The following FMO4 variants were observed in gnomAD, a reference collection of about 807,000 sequenced individuals.
FMO4 encodes the protein flavin containing dimethylaniline monoxygenase 4, also known as dimethylaniline monooxygenase [N-oxide-forming] 4.
Under a neutral mutation model 43.3 loss-of-function variants are expected in FMO4, and 38 were observed. The ratio of observed to expected loss-of-function variants is 0.88; its 90% CI spans 0.68 to 1.15. FMO4 has a LOEUF of 1.15. FMO4 is among the 50% of genes most tolerant of loss of function. FMO4 has a pLI of 0.00. For synonymous variants in FMO4, 224 were observed against 232.2 expected, an observed-to-expected ratio of 0.96 and a Z score of 0.32; for missense variants, 631 against 663.3, an observed-to-expected ratio of 0.95 and a Z score of 0.54.
intron 8 of FMO4, among the ~76,000 whole-genome samples, chr1:171,336,469 G>T (rs1249443199): frequency 6.6e-6 from 1 of 152,156 alleles, no homozygotes; most frequent in Non-Finnish European, 1.5e-5. Context: ...TGTCTAGATG[G>T]GAGATTGGGA....
chr1:171,321,307 C>T (rs536084885), intron 3 of FMO4, among the ~76,000 whole-genome samples: 119 of 152,182 alleles, frequency 7.8e-4, no homozygotes, highest in African/African-American at 2.6e-3. Context: ...TGTAATTTCT[C>T]TCAGTCATAT....
rs1015421643 is a variant in FMO4 at position 171,327,668 on chromosome 1, A to C, written c.484+3368A>C. Among the ~76,000 whole-genome samples the C allele has an allele frequency of 2.4e-4, 37 of 152,280 alleles. 1 individual carries two copies. The highest frequency in any genetic ancestry group is 2.4e-3 in the Admixed American group (36 of 15,288). ...GGTGGCTCATGCCTATAATCCCAGC[A>C]CTTTGGGAGGCCGAGGCAGGCAGAT... is the stretch of plus-strand genomic sequence containing the variant. On this transcript the variant is annotated intron_variant, in intron 5 of 9. Transcript: ENST00000367749.
In FMO4 at chr1:171,334,437, A is replaced by C; in HGVS notation, c.854A>C (p.Asp285Ala). ...KGKKAKFIVN[D>A]ELPNCILCGA... ...AAAAAAGCAAAATTCATTGTGAATG[A>C]TGAGCTGCCAAACTGTATCCTCTGT... Residue 285 changes from aspartate (D) to alanine (A), a missense_variant, in exon 8 of 10, where the codon GAT (aspartate) becomes GCT (alanine). Asp to Ala is a moderately radical substitution (Grantham distance 126, BLOSUM62 -2). Coordinates refer to ENST00000367749, the MANE Select transcript of FMO4 (RefSeq NM_002022.3). 1 of 1,585,600 alleles carries C rather than the reference A, an allele frequency of 6.3e-7. No individual in the cohort carries two copies. The highest frequency in any genetic ancestry group is 8.6e-7 in the Non-Finnish European group (1 of 1,169,324).
At chr1:171,328,464 A>G (rs1415166625) in intron 5 of FMO4, among the ~76,000 whole-genome samples, 1 of 152,150 alleles carries the variant, frequency 6.6e-6, no homozygotes, top group Non-Finnish European at 1.5e-5. Flanking sequence ...CAGCCTGGAC[A>G]ACATGCGAAA....
Position 171,319,912 on chromosome 1 carries a change from C to T in FMO4, c.87C>T (p.Thr29=), listed in dbSNP as rs1432043261. ...GTGTGGATGAGGACCTGGAGCCCAC[C>T]TGCTTTGAGAGAAGTGATGACATTG... ...KCCVDEDLEP[T]CFERSDDIGG... is the part of the protein sequence containing the mutation. Residue 29 remains threonine (T), a synonymous_variant, in exon 3 of 10, where the codon ACC becomes ACT. Transcript: ENST00000367749. 6.2e-7 allele frequency: 1 copy of T among 1,613,894 alleles called. No homozygotes were observed. The highest frequency in any genetic ancestry group is 2.2e-5 in the East Asian group (1 of 44,872).
At chr1:171,334,297 T>C in intron 7 of FMO4, 114 bp from the exon 8 acceptor site, 1 of 650,716 alleles carries the variant, frequency 1.5e-6, no homozygotes. Flanking sequence ...TAGACATTGG[T>C]TAATTCTCTT....
intron 8 of FMO4, among the ~76,000 whole-genome samples, chr1:171,335,933 T>C (rs141825410): frequency 6.6e-6 from 1 of 152,300 alleles, no homozygotes. Context: ...AAGTATTTTA[T>C]GGTGAGCTCC....
At chr1:171,325,546 A>G (rs983186295) in intron 5 of FMO4, among the ~76,000 whole-genome samples, 2 of 152,168 alleles carry the variant, frequency 1.3e-5, no homozygotes, top group African/African-American at 4.8e-5. Context: ...ATCCTACTCA[A>G]AAAGGAATGA....
In FMO4 at chr1:171,334,588, A is replaced by C; in HGVS notation, c.1005A>C (p.Pro335=). Residue 335 remains proline (P), a synonymous_variant, in exon 8 of 10, where the codon CCA becomes CCC. Coordinates refer to ENST00000367749, the MANE Select transcript of FMO4 (RefSeq NM_002022.3). The stretch of plus-strand genomic sequence containing the variant: ...CTACAGGATATACATTTTCTTTTCC[A>C]TTTTTTGAAGAACCTCTTAAAAGCC... The part of the protein sequence containing the change: ...IFTTGYTFSF[P]FFEEPLKSLC... The C allele has an allele frequency of 6.2e-7, 1 of 1,613,790 alleles. No individual in the cohort carries two copies. The highest frequency in any genetic ancestry group is 8.5e-7 in the Non-Finnish European group (1 of 1,179,816).
rs1198924524 is a variant in FMO4 at position 171,335,190 on chromosome 1, A to G, written c.1180+427A>G. 2.6e-5 allele frequency among the ~76,000 whole-genome samples: 4 copies of G among 152,326 alleles called. No individual in the cohort carries two copies. In the East Asian group the frequency reaches 7.7e-4, roughly 29 times the overall value. On this transcript the variant is annotated intron_variant, in intron 8 of 9. Coordinates refer to ENST00000367749, the MANE Select transcript of FMO4 (RefSeq NM_002022.3). Reference sequence around the variant, plus strand: ...CCATAAAAAATATTTTAGACACTGGAAACTACTTTCTGTCAATTATGCAAT... The same window carrying G: ...CCATAAAAAATATTTTAGACACTGGGAACTACTTTCTGTCAATTATGCAAT...
Position 171,332,830 on chromosome 1 carries a change from G to A in FMO4, c.749G>A (p.Arg250His), listed in dbSNP as rs770794489. ...CSFIAQVLPS[R>H]FLNWIQERKL... is the part of the protein sequence containing the mutation. ...TTTATTGCACAAGTTCTGCCTTCAC[G>A]TTTTCTAAACTGGATTCAAGAAAGG... Residue 250 changes from arginine (R) to histidine (H), a missense_variant, in exon 7 of 10, where the codon CGT becomes CAT. Arg to His is a conservative substitution (Grantham distance 29). Transcript: ENST00000367749. The A allele has an allele frequency of 6.8e-6, 11 of 1,612,488 alleles. No individual in the cohort carries two copies. The highest frequency in any genetic ancestry group is 4.0e-5 in the African/African-American group (3 of 74,818).
chr1:171,334,372 A>T, intron 7 of FMO4, 39 bp from the exon 8 acceptor site: 1 of 1,290,516 alleles, frequency 7.7e-7, no homozygotes, highest in Non-Finnish European at 1.1e-6. Context: ...TTTCTCATAA[A>T]AATAACTACA....
At position 171,323,120 on chromosome 1, in the gene FMO4, C is replaced by T; in HGVS notation, c.249C>T (p.Asn83=). 6.2e-7 allele frequency: 1 copy of T among 1,612,696 alleles called. No individual in the cohort carries two copies. The highest frequency in any genetic ancestry group is 8.5e-7 in the Non-Finnish European group (1 of 1,178,810). Residue 83 remains asparagine (N), a synonymous_variant, in exon 4 of 10, where the codon AAC becomes AAT. Coordinates refer to ENST00000367749, the MANE Select transcript of FMO4 (RefSeq NM_002022.3). ...PFHEDYPNFM[N]HEKFWDYLQE... Reference sequence around the variant, plus strand: ...ACGAAGATTATCCTAATTTCATGAACCATGAAAAATTTTGGGACTATCTCC... The same window carrying T: ...ACGAAGATTATCCTAATTTCATGAATCATGAAAAATTTTGGGACTATCTCC...
intron 5 of FMO4, 102 bp from the exon 6 acceptor site, chr1:171,331,538 C>A: frequency 1.9e-6 from 2 of 1,076,988 alleles, no homozygotes; most frequent in Non-Finnish European, 2.8e-6. Flanking sequence ...CAAAGGACTG[C>A]CATAGTTGTG....
Position 171,317,060 on chromosome 1 carries a change from G to A in FMO4, c.-9+733G>A, listed in dbSNP as rs571203439. Among the ~76,000 whole-genome samples, 6 of 152,166 alleles carry A rather than the reference G, an allele frequency of 3.9e-5. 1 individual carries two copies. Among genetic ancestry groups the A allele is most frequent in the Non-Finnish European group, 8.8e-5 (6 of 68,036 alleles). ...AGAGGCTTAGTGACGGGAACCACAG[G>A]ATACCTCAGGCTCTCAGACCAACAG... is the stretch of plus-strand genomic sequence containing the variant. On this transcript the variant is annotated intron_variant, in intron 2 of 9. Coordinates refer to ENST00000367749, the MANE Select transcript of FMO4 (RefSeq NM_002022.3).
At chr1:171,324,068 T>C (rs1662550979) in intron 4 of FMO4, 70 bp from the exon 5 acceptor site, 3 of 1,393,534 alleles carry the variant, frequency 2.2e-6, no homozygotes, top group Non-Finnish European at 2.9e-6. Flanking sequence ...ACAGACATGG[T>C]TACCACACCA....
intron 3 of FMO4, among the ~76,000 whole-genome samples, chr1:171,322,095 G>C (rs1558035472): frequency 6.6e-6 from 1 of 152,186 alleles, no homozygotes; most frequent in African/African-American, 2.4e-5. Flanking sequence ...AAAAAACAGA[G>C]GCTGCAGTAA....
chr1:171,316,176 A>G lies in FMO4; in HGVS notation c.-150-10A>G, dbSNP rs1662190807. On this transcript the variant is annotated splice_polypyrimidine_tract_variant and intron_variant, in intron 1 of 9. Coordinates refer to ENST00000367749, the MANE Select transcript of FMO4 (RefSeq NM_002022.3). The stretch of plus-strand genomic sequence containing the variant: ...GTTAGCAGTCATTTCTTTTTACCTT[A>G]TGATTGCAGAGATAGAGCACAGCAA... The G allele has an allele frequency of 6.6e-6, 1 of 152,110 alleles. No individual in the cohort carries two copies. The highest frequency in any genetic ancestry group is 1.5e-5 in the Non-Finnish European group (1 of 68,022). The allele number at this position is 152,110 out of a possible 1,614,324, so 9.4% of individuals were successfully genotyped here.
At chr1:171,338,329 A>G (rs1478898935) in intron 9 of FMO4, among the ~76,000 whole-genome samples, 1 of 151,950 alleles carries the variant, frequency 6.6e-6, no homozygotes, top group African/African-American at 2.4e-5. Context: ...ACTCTGTTCT[A>G]CAATCTAGGC....
Sources: allele counts gnomAD v4.1 joint callset (sites outside exome capture counted in the v4.1 genomes callset), GRCh38; gene constraint gnomAD v4.1.1; transcripts MANE v1.5; gene names NCBI Gene and HGNC (gene_info 2026-07-23, HGNC 2026-07-21).